SOX5: variants seen among roughly 807,000 people sequenced by gnomAD.
The protein encoded by SOX5 is transcription factor SOX-5.
SOX5 carries 9 observed loss-of-function variants against 92.0 expected under a neutral mutation model. That is an observed-to-expected ratio of 0.10 (90% CI 0.06 to 0.17). The LOEUF (loss-of-function observed/expected upper bound fraction) is 0.17, where lower values mean the gene tolerates loss of function less well. Ranked by LOEUF, SOX5 falls within the 10% of genes least tolerant of loss-of-function variation. The pLI is 1.00. For synonymous variants in SOX5, 344 were observed against 336.3 expected (o/e 1.02, Z -0.25); for missense variants, 642 against 944.5 (o/e 0.68, Z 4.20).
intron 4 of SOX5, among the ~76,000 whole-genome samples, chr12:24,137,662 A>T (rs2138604000): frequency 6.7e-6 from 1 of 148,390 alleles, no homozygotes; most frequent in East Asian, 1.9e-4. Flanking sequence ...AAAACAAAAC[A>T]AAAAAACTCT....
intron 3 of SOX5, among the ~76,000 whole-genome samples, chr12:24,245,635 T>C (rs1333551272): frequency 6.6e-6 from 1 of 152,120 alleles, no homozygotes; most frequent in African/African-American, 2.4e-5. Context: ...GCTGTGAATA[T>C]GTACACGCAC....
At chr12:24,118,029 A>G (rs1422107123) in intron 4 of SOX5, among the ~76,000 whole-genome samples, 6 of 150,846 alleles carry the variant, frequency 4.0e-5, no homozygotes, top group African/African-American at 1.2e-4. Flanking sequence ...AAAAAAAAAA[A>G]AAAAAAAAAG....
chr12:23,578,144 A>AAG (rs1949510680), intron 9 of SOX5, among the ~76,000 whole-genome samples: 1 of 134,908 alleles, frequency 7.4e-6, no homozygotes, highest in Non-Finnish European at 1.6e-5. Context: ...AAAAAAAAAA[A>AAG]AAAAAACTAT....
Position 24,112,789 on chromosome 12 carries a change from C to T in SOX5, c.-2+100554G>A, listed in dbSNP as rs1947527140. Among the ~76,000 whole-genome samples the T allele has an allele frequency of 2.6e-5, 4 of 151,832 alleles. No individual in the cohort carries two copies. In the South Asian group the frequency reaches 8.3e-4, roughly 32 times the overall value. On this transcript the variant is annotated intron_variant, in intron 4 of 4. Coordinates refer to the SOX5 transcript ENST00000446891. ...GGGCTCAAGCAATCTGCCTACCCAC[C>T]TTGGCCTCCCAAAGTGCTGGGGTTC... is the stretch of plus-strand genomic sequence containing the variant.
chr12:24,009,596 G>A (rs1461822760), intron 4 of SOX5, among the ~76,000 whole-genome samples: 1 of 151,864 alleles, frequency 6.6e-6, no homozygotes, highest in Non-Finnish European at 1.5e-5. Context: ...GATTTTCAAG[G>A]GTTTATCAAA....
intron 2 of SOX5, among the ~76,000 whole-genome samples, chr12:24,325,907 C>T (rs577614479): frequency 1.3e-5 from 2 of 152,180 alleles, no homozygotes; most frequent in African/African-American, 2.4e-5. Flanking sequence ...TGCACGCGCG[C>T]GCGTGTGTGT....
At chr12:24,185,018 G>A (rs943196379) in intron 4 of SOX5, among the ~76,000 whole-genome samples, 1 of 152,078 alleles carries the variant, frequency 6.6e-6, no homozygotes, top group East Asian at 1.9e-4. Context: ...GTTAGATCCA[G>A]TGAATAAGAT....
chr12:24,494,589 AC>A (rs879691108), intron 1 of SOX5, among the ~76,000 whole-genome samples: 24 of 152,182 alleles, frequency 1.6e-4, no homozygotes, highest in Admixed American at 1.4e-3. Context: ...CACAACTTCA[AC>A]CCCCACCTTT....
At chr12:23,951,597 T>G (rs1023543513), upstream of SOX5, among the ~76,000 whole-genome samples, 10 of 151,910 alleles carry the variant, frequency 6.6e-5, no homozygotes, top group Non-Finnish European at 1.2e-4. Context: ...TTAGACAAGT[T>G]GATAATAACT....
intron 2 of SOX5, among the ~76,000 whole-genome samples, chr12:24,281,210 T>TC (rs1945146766): frequency 7.2e-6 from 1 of 138,722 alleles, no homozygotes; most frequent in Non-Finnish European, 1.5e-5. Context: ...TGGCTTAAAA[T>TC]CTATACGGTT....
At chr12:23,873,803 T>C (rs1227234638) in intron 2 of SOX5, among the ~76,000 whole-genome samples, 2 of 152,204 alleles carry the variant, frequency 1.3e-5, no homozygotes, top group African/African-American at 4.8e-5. Flanking sequence ...TGAATGATTG[T>C]TGTTTAAGAG....
intron 1 of SOX5, among the ~76,000 whole-genome samples, chr12:24,491,723 A>G (rs1947097161): frequency 6.6e-6 from 1 of 152,160 alleles, no homozygotes. Context: ...AAGACTATCT[A>G]CTGCACTTAA....
At chr12:24,321,094 G>C (rs1399542316) in intron 2 of SOX5, among the ~76,000 whole-genome samples, 1 of 152,058 alleles carries the variant, frequency 6.6e-6, no homozygotes, top group Non-Finnish European at 1.5e-5. Flanking sequence ...AGAAGGCCTG[G>C]TTGTATGAGA....
At chr12:23,820,083 G>A (rs1024197848) in intron 3 of SOX5, among the ~76,000 whole-genome samples, 1 of 152,094 alleles carries the variant, frequency 6.6e-6, no homozygotes, top group Non-Finnish European at 1.5e-5. Flanking sequence ...CACATCCTCT[G>A]CAGCATCTGT....
At chr12:24,184,396 T>G (rs1955819215) in intron 4 of SOX5, among the ~76,000 whole-genome samples, 1 of 152,128 alleles carries the variant, frequency 6.6e-6, no homozygotes, top group African/African-American at 2.4e-5. Context: ...AAATCAATAC[T>G]GATAAATGTA....
At chr12:24,195,993 T>C (rs922467995) in intron 4 of SOX5, among the ~76,000 whole-genome samples, 3 of 152,210 alleles carry the variant, frequency 2.0e-5, no homozygotes, top group African/African-American at 7.2e-5. Context: ...CAAGCGATTC[T>C]CCTGCCTCAG....
At chr12:23,620,406 A>C (rs1194768769) in intron 8 of SOX5, among the ~76,000 whole-genome samples, 1 of 152,122 alleles carries the variant, frequency 6.6e-6, no homozygotes, top group Non-Finnish European at 1.5e-5. Flanking sequence ...AATTGAAGTA[A>C]TATCTACCTA....
At chr12:23,888,413 C>CT (rs11331339) in intron 2 of SOX5, among the ~76,000 whole-genome samples, 102 of 148,692 alleles carry the variant, frequency 6.9e-4, no homozygotes, top group African/African-American at 1.8e-3. Flanking sequence ...TCCCATAGCA[C>CT]TTTTTTTTTT....
intron 4 of SOX5, among the ~76,000 whole-genome samples, chr12:24,021,849 T>G (rs556524259): frequency 2.0e-5 from 3 of 152,324 alleles, no homozygotes; most frequent in African/African-American, 7.2e-5. Context: ...ATAATAGTTG[T>G]CACCTTCATG....
Sources: gnomAD v4.1 joint callset for allele counts (sites outside exome capture counted in the v4.1 genomes callset) on GRCh38, gnomAD v4.1.1 for gene constraint, MANE v1.5 for transcripts, NCBI Gene and HGNC (gene_info 2026-07-23, HGNC 2026-07-21) for gene names.